Variants in RGS8 observed in about 807,000 individuals in gnomAD.
The protein encoded by RGS8 is regulator of G protein signaling 8.
A neutral mutation model predicts 21.7 loss-of-function variants in RGS8; 8 were observed. The ratio of observed to expected loss-of-function variants is 0.37; its 90% CI spans 0.22 to 0.66. The LOEUF is 0.66. RGS8 is among the 30% of genes least tolerant of loss of function. RGS8 has a pLI of 0.59. For synonymous variants in RGS8, 80 were observed against 83.6 expected, an observed-to-expected ratio of 0.96 and a Z score of 0.24; for missense variants, 157 against 217.9, an observed-to-expected ratio of 0.72 and a Z score of 1.76.
chr1:182,670,397 G>A (rs16859429), intron 2 of RGS8, among the ~76,000 whole-genome samples: 4,799 of 152,306 alleles, frequency 0.032, 254 homozygotes, highest in African/African-American at 0.11. Context: ...TATTCTTGAC[G>A]CGAAGCAGGA....
intron 1 of RGS8, among the ~76,000 whole-genome samples, chr1:182,683,601 A>G (rs952082608): frequency 7.4e-5 from 11 of 149,646 alleles, no homozygotes; most frequent in African/African-American, 2.7e-4. Flanking sequence ...TCACAGAAAG[A>G]GAAGAGCAAC....
the RGS8 span, among the ~76,000 whole-genome samples, chr1:182,727,457 C>G: frequency 6.6e-6 from 1 of 152,084 alleles, no homozygotes; most frequent in Admixed American, 6.5e-5. Context: ...TTTTTCTCTT[C>G]GTGACATTTC....
intron 5 of RGS8, among the ~76,000 whole-genome samples, chr1:182,660,789 T>C (rs1428153718): frequency 4.0e-5 from 6 of 151,856 alleles, no homozygotes; most frequent in African/African-American, 1.5e-4. Flanking sequence ...TAAACCTTCC[T>C]GGAGGGTTTG....
At chr1:182,645,147 GCCCC>G (rs1482450879), downstream of RGS8, 2 of 152,198 alleles carry the variant, frequency 1.3e-5, no homozygotes. Context: ...ACGTTAAAAG[GCCCC>G]TCACCCCTTA....
At chr1:182,707,130 A>G in the RGS8 span, among the ~76,000 whole-genome samples, 1 of 152,076 alleles carries the variant, frequency 6.6e-6, no homozygotes, top group Non-Finnish European at 1.5e-5. Flanking sequence ...TGCACTCCAG[A>G]CTGGGCAACA....
At chr1:182,646,895 C>G in exon 7 of RGS8, 2 of 1,613,840 alleles carry the variant, frequency 1.2e-6, no homozygotes, top group Non-Finnish European at 1.7e-6. Context: ...CGTGGCTTCT[C>G]GGGTCTGGAA....
At chr1:182,722,680 T>C in the RGS8 span, among the ~76,000 whole-genome samples, 2 of 152,124 alleles carry the variant, frequency 1.3e-5, no homozygotes, top group African/African-American at 4.8e-5. Flanking sequence ...TCTCTGTTTA[T>C]AAAGATGCCA....
At chr1:182,690,092 C>A in the RGS8 span, among the ~76,000 whole-genome samples, 2 of 152,154 alleles carry the variant, frequency 1.3e-5, no homozygotes, top group African/African-American at 2.4e-5. Context: ...TTGAGCAAGT[C>A]ACTTAACCTC....
At chr1:182,671,963 G>C, upstream of RGS8, 1 of 1,364,400 alleles carries the variant, frequency 7.3e-7, no homozygotes, top group South Asian at 1.5e-5. Context: ...CTCAGCTCCC[G>C]GGCACAGTCT....
chr1:182,667,158 A>G (rs116321178), intron 3 of RGS8, among the ~76,000 whole-genome samples, 185 bp from the exon 5 acceptor site: 1,659 of 152,302 alleles, frequency 0.011, 32 homozygotes, highest in African/African-American at 0.038. Flanking sequence ...CTGAATAGGT[A>G]CCCTAACCGA....
intron 1 of RGS8, among the ~76,000 whole-genome samples, chr1:182,678,087 G>A (rs760202932): frequency 3.9e-5 from 6 of 152,160 alleles, no homozygotes; most frequent in Non-Finnish European, 5.9e-5. Flanking sequence ...AGACATTATC[G>A]TTATTTTTTA....
At chr1:182,687,929 T>C (rs999022423), upstream of RGS8, among the ~76,000 whole-genome samples, 2 of 152,240 alleles carry the variant, frequency 1.3e-5, no homozygotes, top group Admixed American at 6.5e-5. Context: ...CACCATTTCC[T>C]TAGTGAAGAG....
the RGS8 span, among the ~76,000 whole-genome samples, chr1:182,736,169 C>T: frequency 2.6e-5 from 4 of 152,238 alleles, no homozygotes; most frequent in Admixed American, 2.6e-4. Flanking sequence ...AAGATAAAAC[C>T]ACTATTAAAA....
chr1:182,719,289 A>G, the RGS8 span, among the ~76,000 whole-genome samples: 1 of 152,200 alleles, frequency 6.6e-6, no homozygotes, highest in Non-Finnish European at 1.5e-5. Context: ...GAGAGGAGAA[A>G]AAAAGTTAGA....
At chr1:182,715,328 A>G in the RGS8 span, among the ~76,000 whole-genome samples, 42 of 152,182 alleles carry the variant, frequency 2.8e-4, no homozygotes, top group Non-Finnish European at 2.9e-5. Context: ...CAAATAGCAT[A>G]CTGCAAAGCA....
At chr1:182,652,984 G>A (rs1031346331) in intron 5 of RGS8, among the ~76,000 whole-genome samples, 4 of 152,190 alleles carry the variant, frequency 2.6e-5, no homozygotes, top group African/African-American at 9.7e-5. Context: ...ATTAAGACAA[G>A]CATTTAATAG....
chr1:182,740,544 GTTT>G, the RGS8 span, among the ~76,000 whole-genome samples: 1 of 103,312 alleles, frequency 9.7e-6, no homozygotes, highest in South Asian at 3.5e-4. Context: ...TTTTTTGTTT[GTTT>G]GTTTTTTTTT....
chr1:182,667,045 C>A, intron 3 of RGS8, 72 bp from the exon 5 acceptor site: 2 of 1,246,470 alleles, frequency 1.6e-6, no homozygotes. Context: ...TACAGGGCCC[C>A]TGGAGCTGCT....
chr1:182,652,239 C>A (rs1277492459), intron 5 of RGS8, among the ~76,000 whole-genome samples: 2 of 152,180 alleles, frequency 1.3e-5, no homozygotes, highest in East Asian at 3.8e-4. Context: ...TGCTTATGAG[C>A]AAGGTGAATG....
Sources: gnomAD v4.1 joint callset for allele counts (sites outside exome capture counted in the v4.1 genomes callset) on GRCh38, gnomAD v4.1.1 for gene constraint, MANE v1.5 for transcripts, NCBI Gene and HGNC (gene_info 2026-07-23, HGNC 2026-07-21) for gene names.